Variants in NPSR1 observed in about 807,000 individuals in gnomAD.
NPSR1 encodes neuropeptide S receptor.
Under a neutral mutation model 46.9 loss-of-function variants are expected in NPSR1, and 48 were observed. The observed-to-expected ratio is 1.02, with a 90% CI of 0.81 to 1.30. The LOEUF is 1.30. Among genes scored for constraint, NPSR1 ranks in the 50% most tolerant of loss-of-function variants. The probability of loss-of-function intolerance (pLI) is 0.00; values close to 1 mark genes in which losing one functional copy is unlikely to be tolerated. For missense variants in NPSR1, 450 were observed against 449.5 expected (o/e 1.00, Z -0.01); for synonymous variants, 176 against 168.1 (o/e 1.05, Z -0.36).
chr7:34,684,984 C>T (rs903947133), intron 2 of NPSR1, among the ~76,000 whole-genome samples: 2 of 152,162 alleles, frequency 1.3e-5, no homozygotes, highest in Admixed American at 1.3e-4. Context: ...CCATAGTTCA[C>T]TAAGGTGATA....
intron 3 of NPSR1, among the ~76,000 whole-genome samples, chr7:34,809,657 G>T (rs1469645707): frequency 6.6e-6 from 1 of 151,958 alleles, no homozygotes; most frequent in Admixed American, 6.6e-5. Context: ...TAGAGACGGG[G>T]TTTCACCGTT....
Position 34,830,565 on chromosome 7 carries a change from T to C in NPSR1, c.680+2963T>C, listed in dbSNP as rs1790070665. Among the ~76,000 whole-genome samples the C allele has an allele frequency of 3.9e-5, 6 of 152,368 alleles. No homozygotes were observed. In the South Asian group the frequency reaches 1.2e-3, roughly 32 times the overall value. ...TTCTCTATTCTCTATCTTTAGAAAT[T>C]ATTCATACAATAACCTTTTTCTTTT... On this transcript the variant is annotated intron_variant, in intron 5 of 8. Coordinates refer to ENST00000360581, the MANE Select transcript of NPSR1 (RefSeq NM_207172.2).
chr7:34,760,201 A>C (rs1786098727), intron 2 of NPSR1, among the ~76,000 whole-genome samples: 1 of 152,334 alleles, frequency 6.6e-6, no homozygotes, highest in East Asian at 1.9e-4. Context: ...TTATTCTAGC[A>C]AGTTGGCAAG....
intron 3 of NPSR1, among the ~76,000 whole-genome samples, chr7:34,807,646 TTC>T (rs1788768718): frequency 6.6e-6 from 1 of 152,198 alleles, no homozygotes; most frequent in Non-Finnish European, 1.5e-5. Flanking sequence ...TTTAAAATTT[TTC>T]TCTTTTAAAC....
At chr7:34,856,894 C>T (rs1406942271) in intron 8 of NPSR1, among the ~76,000 whole-genome samples, 1 of 151,344 alleles carries the variant, frequency 6.6e-6, no homozygotes, top group African/African-American at 2.5e-5. Flanking sequence ...GAAAACTGGT[C>T]CAGTCTTTAT....
In NPSR1 at chr7:34,865,443, A is replaced by C. The variant is rs1378133723; in HGVS notation, c.1026-12633A>C. ...GGCTGAGCTGAGCATGCTCAGTAGAATCTTTCCACATTCAATCCAAGCGAC... is the reference window on the plus strand; with the variant it reads ...GGCTGAGCTGAGCATGCTCAGTAGACTCTTTCCACATTCAATCCAAGCGAC... On this transcript the variant is annotated intron_variant, in intron 8 of 8. Transcript: ENST00000359791. Among the ~76,000 whole-genome samples the C allele has an allele frequency of 2.0e-5, 3 of 151,694 alleles. 1 individual carries two copies. The highest frequency in any genetic ancestry group is 7.3e-5 in the African/African-American group (3 of 41,018).
rs1200752931 is a variant in NPSR1 at position 34,737,027 on chromosome 7, T to C, written c.281-41435T>C. On this transcript the variant is annotated intron_variant, in intron 2 of 8. Transcript: ENST00000360581. The stretch of plus-strand genomic sequence containing the variant: ...TCTCTTCTAACTTTTTAGCACCTCC[T>C]CTTTCATCCTCTCCTCAACCAGATG... Among the ~76,000 whole-genome samples the C allele has an allele frequency of 3.3e-5, 5 of 151,398 alleles. No individual in the cohort carries two copies. In the East Asian group the frequency reaches 9.9e-4, roughly 30 times the overall value.
At chr7:34,810,070 A>G (rs894819653) in intron 3 of NPSR1, among the ~76,000 whole-genome samples, 1 of 152,180 alleles carries the variant, frequency 6.6e-6, no homozygotes, top group Non-Finnish European at 1.5e-5. Flanking sequence ...AGAAATAACA[A>G]ATCATAAAGA....
rs1306113170 is a variant in NPSR1 at position 34,790,967 on chromosome 7, A to ATATATGT, written c.384+12415_384+12421dup. On this transcript the variant is annotated intron_variant, in intron 3 of 8. Coordinates refer to ENST00000360581, the MANE Select transcript of NPSR1 (RefSeq NM_207172.2). Reference sequence around the variant, plus strand: ...TATCATATATGTTATATGTTATATTATATATGTTATATGTTATATTATATA... The same window carrying ATATATGT: ...TATCATATATGTTATATGTTATATTATATATGTTATATGTTATATGTTATATTATATA... Among the ~76,000 whole-genome samples, 64 of 74,978 alleles carry ATATATGT rather than the reference A, an allele frequency of 8.5e-4. 3 individuals carry two copies. Among genetic ancestry groups the ATATATGT allele is most frequent in the African/African-American group, 2.3e-3 (43 of 19,078 alleles). The allele number at this position is 74,978 out of a possible 152,430, so 49.2% of individuals were successfully genotyped here. A position where few individuals can be genotyped will look rare whatever the true frequency, so the allele number is the denominator to read the frequency against.
At chr7:34,831,852 A>C (rs1467774550) in intron 5 of NPSR1, among the ~76,000 whole-genome samples, 1 of 152,202 alleles carries the variant, frequency 6.6e-6, no homozygotes, top group African/African-American at 2.4e-5. Context: ...CAATTGCAAA[A>C]AAAAAAAGTG....
intron 2 of NPSR1, among the ~76,000 whole-genome samples, chr7:34,700,748 C>T (rs181409512): frequency 6.6e-6 from 1 of 152,224 alleles, no homozygotes; most frequent in Non-Finnish European, 1.5e-5. Context: ...GCCCTATGAC[C>T]TATGAAAAGT....
intron 8 of NPSR1, among the ~76,000 whole-genome samples, chr7:34,862,271 C>T (rs1791207861): frequency 6.6e-6 from 1 of 151,696 alleles, no homozygotes; most frequent in South Asian, 2.1e-4. Context: ...CTCCAAGCCC[C>T]AGCCTTGCCA....
chr7:34,664,988 C>T (rs1276632147), intron 1 of NPSR1, among the ~76,000 whole-genome samples: 2 of 152,214 alleles, frequency 1.3e-5, no homozygotes, highest in Non-Finnish European at 2.9e-5. Flanking sequence ...TTCACAATAT[C>T]ACCTTTGAAC....
intron 2 of NPSR1, among the ~76,000 whole-genome samples, chr7:34,754,644 C>T (rs1785726420): frequency 6.6e-6 from 1 of 151,986 alleles, no homozygotes; most frequent in Non-Finnish European, 1.5e-5. Context: ...AAAATATTCA[C>T]ATAACAATAC....
chr7:34,778,652 G>T (rs1240130571), intron 3 of NPSR1, 87 bp downstream of exon 3: 6 of 792,628 alleles, frequency 7.6e-6, no homozygotes, highest in Non-Finnish European at 1.3e-5. Flanking sequence ...ATAAAACCTT[G>T]CATTCCTATG....
intron 2 of NPSR1, among the ~76,000 whole-genome samples, chr7:34,692,370 A>G (rs1054179180): frequency 6.6e-6 from 1 of 152,206 alleles, no homozygotes; most frequent in Middle Eastern, 3.2e-3. Context: ...ACCACAGTGG[A>G]ATAAAATTAT....
intron 3 of NPSR1, among the ~76,000 whole-genome samples, chr7:34,809,240 T>A (rs1584070481): frequency 2.0e-5 from 3 of 152,156 alleles, no homozygotes; most frequent in Admixed American, 1.3e-4. Context: ...CGATCGATTT[T>A]TTTTTTCTTA....
At chr7:34,680,670 A>T (rs1792583768) in intron 1 of NPSR1, among the ~76,000 whole-genome samples, 1 of 152,194 alleles carries the variant, frequency 6.6e-6, no homozygotes, top group Non-Finnish European at 1.5e-5. Flanking sequence ...ACCATGGAGT[A>T]CTATATAGGA....
chr7:34,803,748 C>A (rs1788550165), intron 3 of NPSR1, among the ~76,000 whole-genome samples: 1 of 130,318 alleles, frequency 7.7e-6, no homozygotes. Flanking sequence ...AAAAAGATAG[C>A]ATGAGTAGAA....
Sources: allele counts gnomAD v4.1 joint callset (sites outside exome capture counted in the v4.1 genomes callset), GRCh38; gene constraint gnomAD v4.1.1; transcripts MANE v1.5; gene names NCBI Gene and HGNC (gene_info 2026-07-23, HGNC 2026-07-21).